The following DNAH11 variants were observed in gnomAD, a reference collection of about 807,000 sequenced individuals.
DNAH11 encodes dynein axonemal heavy chain 11.
In DNAH11, 442 loss-of-function variants were observed where a neutral mutation model predicts 526.0. The ratio of observed to expected loss-of-function variants is 0.84; its 90% CI spans 0.78 to 0.91. DNAH11 has a LOEUF of 0.91. DNAH11 is among the 40% of genes least tolerant of loss of function. The pLI is 0.00. For missense variants in DNAH11, 6,989 were observed against 5,448.7 expected, an observed-to-expected ratio of 1.28 and a Z score of -8.90; for synonymous variants, 2,461 against 1,935.9, an observed-to-expected ratio of 1.27 and a Z score of -7.12.
At chr7:21,816,393 G>A in intron 63 of DNAH11, 74 bp from the exon 64 acceptor site, 1 of 1,239,348 alleles carries the variant, frequency 8.1e-7, no homozygotes, top group Non-Finnish European at 1.1e-6. Flanking sequence ...TCATGACTTT[G>A]TTCTCTTCTT....
intron 67 of DNAH11, among the ~76,000 whole-genome samples, chr7:21,853,526 A>C (rs1782720133): frequency 6.6e-6 from 1 of 152,206 alleles, no homozygotes; most frequent in Admixed American, 6.5e-5. Flanking sequence ...CTATCTTCTT[A>C]ATATATCACC....
In DNAH11 at chr7:21,814,188, C is replaced by G. The variant is rs1052451799; in HGVS notation, c.10333-2279C>G. Reference sequence around the variant, plus strand: ...GCATAAAAGACTAAAATTGGTACACCTGCATAGAACACCTATCGCGAATGG... The same window carrying G: ...GCATAAAAGACTAAAATTGGTACACGTGCATAGAACACCTATCGCGAATGG... On this transcript the variant is annotated intron_variant, in intron 63 of 81. Transcript: ENST00000409508. Among the ~76,000 whole-genome samples, 3 of 152,166 alleles carry G rather than the reference C, an allele frequency of 2.0e-5. No individual in the cohort carries two copies. The South Asian group carries it at 6.2e-4, about 32-fold the overall frequency.
rs1785284753 is a variant in DNAH11 at position 21,606,423 on chromosome 7, C to A, written c.3649-3C>A. 2 of 1,604,392 alleles carry A rather than the reference C, an allele frequency of 1.2e-6. No individual in the cohort carries two copies. Among genetic ancestry groups the A allele is most frequent in the Non-Finnish European group, 1.7e-6 (2 of 1,176,472 alleles). On this transcript the variant is annotated splice_polypyrimidine_tract_variant and splice_region_variant and intron_variant, in intron 18 of 81. Coordinates refer to ENST00000409508, the MANE Select transcript of DNAH11 (RefSeq NM_001277115.2). Reference sequence around the variant, plus strand: ...TTTCGCATTTGTGCCTTTGCTTTTGCAGGAATTACCTGAAAGATGGGAAAC... The same window carrying A: ...TTTCGCATTTGTGCCTTTGCTTTTGAAGGAATTACCTGAAAGATGGGAAAC...
intron 62 of DNAH11, among the ~76,000 whole-genome samples, chr7:21,807,113 T>C (rs528593500): frequency 1.3e-5 from 2 of 152,354 alleles, no homozygotes; most frequent in African/African-American, 4.8e-5. Flanking sequence ...AATCAGACCA[T>C]TGCCAGCATG....
intron 61 of DNAH11, among the ~76,000 whole-genome samples, chr7:21,800,319 T>G (rs1313478025): frequency 6.6e-6 from 1 of 152,144 alleles, no homozygotes; most frequent in Admixed American, 6.6e-5. Context: ...TCTCTGAGTT[T>G]CAGTCCCTAC....
chr7:21,657,259 C>G (rs951721872), intron 29 of DNAH11, among the ~76,000 whole-genome samples: 1 of 152,198 alleles, frequency 6.6e-6, no homozygotes, highest in African/African-American at 2.4e-5. Context: ...TGAATACCTA[C>G]TATGCATCAG....
chr7:21,641,879 A>G (rs920187473), intron 28 of DNAH11, among the ~76,000 whole-genome samples: 11 of 152,178 alleles, frequency 7.2e-5, no homozygotes, highest in African/African-American at 2.7e-4. Context: ...TCCTTAATGA[A>G]TGACTAGATT....
In DNAH11 at chr7:21,901,305, T is replaced by TTAGCCTCTGCTGGAGTGC; in HGVS notation, c.*51_*52insTAGCCTCTGCTGGAGTGC. ...CTGCTGGAGTGCAGTGAGGATTTTC[T>TTAGCCTCTGCTGGAGTGC]AGCATGTTGCTGCACTGTTCCCATG... On this transcript the variant is annotated 3_prime_UTR_variant, in exon 82 of 82. Coordinates refer to ENST00000409508, the MANE Select transcript of DNAH11 (RefSeq NM_001277115.2). The TTAGCCTCTGCTGGAGTGC allele has an allele frequency of 1.5e-5, 24 of 1,549,290 alleles. No individual in the cohort carries two copies. The highest frequency in any genetic ancestry group is 5.1e-5 in the South Asian group (4 of 78,896).
chr7:21,662,740 C>T (rs932850444), intron 30 of DNAH11, among the ~76,000 whole-genome samples: 7 of 152,112 alleles, frequency 4.6e-5, no homozygotes, highest in African/African-American at 7.2e-5. Context: ...TGTCCTTTGA[C>T]TAATAGCTCC....
At chr7:21,823,585 C>T (rs1236899198) in intron 65 of DNAH11, among the ~76,000 whole-genome samples, 2 of 151,964 alleles carry the variant, frequency 1.3e-5, no homozygotes, top group Admixed American at 6.6e-5. Context: ...TTTTCTCCCC[C>T]TTACAATATG....
At chr7:21,851,014 T>C (rs1478649091) in intron 66 of DNAH11, 1 of 152,802 alleles carries the variant, frequency 6.5e-6, no homozygotes, top group Non-Finnish European at 1.5e-5. Context: ...GATGTGGCCT[T>C]CAGAAGAGTT....
intron 25 of DNAH11, among the ~76,000 whole-genome samples, chr7:21,633,611 A>C (rs914130294): frequency 6.6e-6 from 1 of 152,160 alleles, no homozygotes. Context: ...TAATTGTTAC[A>C]GGCTCCAGGT....
At chr7:21,749,544 A>G in intron 52 of DNAH11, 134 bp from the exon 53 acceptor site, 1 of 1,121,446 alleles carries the variant, frequency 8.9e-7, no homozygotes, top group Non-Finnish European at 1.3e-6. Context: ...CAGAGAAGGA[A>G]TATGTAAACC....
intron 29 of DNAH11, among the ~76,000 whole-genome samples, chr7:21,658,245 G>C (rs1426522865): frequency 6.6e-6 from 1 of 152,028 alleles, no homozygotes; most frequent in Non-Finnish European, 1.5e-5. Flanking sequence ...CAAGTGTGAA[G>C]ATTAGAGCCA....
intron 75 of DNAH11, among the ~76,000 whole-genome samples, chr7:21,882,211 T>A (rs1396948058): frequency 6.6e-6 from 1 of 152,180 alleles, no homozygotes; most frequent in Non-Finnish European, 1.5e-5. Context: ...TGGACACACG[T>A]GTTTCTCTCC....
At chr7:21,584,439 G>T (rs181771011) in intron 9 of DNAH11, among the ~76,000 whole-genome samples, 1 of 152,122 alleles carries the variant, frequency 6.6e-6, no homozygotes, top group Non-Finnish European at 1.5e-5. Flanking sequence ...GGAGTGGGGG[G>T]CTAGGGGAGA....
At chr7:21,846,426 T>A (rs945646771) in intron 66 of DNAH11, among the ~76,000 whole-genome samples, 2 of 152,292 alleles carry the variant, frequency 1.3e-5, no homozygotes, top group Middle Eastern at 3.4e-3. Context: ...AGAGTTTTTT[T>A]ATCATTAAAT....
intron 29 of DNAH11, among the ~76,000 whole-genome samples, chr7:21,658,078 G>A (rs1782092543): frequency 1.3e-5 from 2 of 151,868 alleles, no homozygotes; most frequent in African/African-American, 4.8e-5. Context: ...TAAATACCTG[G>A]ATTAATATAA....
intron 5 of DNAH11, among the ~76,000 whole-genome samples, chr7:21,563,980 C>T (rs924260588): frequency 2.0e-5 from 3 of 152,080 alleles, no homozygotes; most frequent in African/African-American, 4.8e-5. Flanking sequence ...CAGTGCTCTC[C>T]CAGATGACTC....
Sources: gnomAD v4.1 joint callset for allele counts (sites outside exome capture counted in the v4.1 genomes callset) on GRCh38, gnomAD v4.1.1 for gene constraint, MANE v1.5 for transcripts, NCBI Gene and HGNC (gene_info 2026-07-23, HGNC 2026-07-21) for gene names.